The following SAMMSON variants were observed in gnomAD, a reference collection of about 807,000 sequenced individuals.
SAMMSON encodes the protein survival associated mitochondrial melanoma specific oncogenic non-coding RNA, also known as long intergenic non-protein coding RNA 1212.
intron 2 of SAMMSON, among the ~76,000 whole-genome samples, chr3:70,418,995 C>T (rs931346359): frequency 8.8e-6 from 1 of 113,020 alleles, no homozygotes; most frequent in South Asian, 3.0e-4. Context: ...CTCTCTCTCT[C>T]TCTCTCTTTC....
At chr3:70,099,772 C>G (rs2067335576) in intron 4 of SAMMSON, among the ~76,000 whole-genome samples, 1 of 152,128 alleles carries the variant, frequency 6.6e-6, no homozygotes, top group South Asian at 2.1e-4. Flanking sequence ...CACGTGGTCC[C>G]CTCTGCAGTT....
chr3:70,299,977 C>A (rs558246665), intron 7 of SAMMSON, among the ~76,000 whole-genome samples: 1 of 152,134 alleles, frequency 6.6e-6, no homozygotes, highest in African/African-American at 2.4e-5. Context: ...AAGAACATAC[C>A]CCAGACTTTT....
At chr3:70,399,019 G>A (rs926924367) in intron 2 of SAMMSON, among the ~76,000 whole-genome samples, 6 of 152,138 alleles carry the variant, frequency 3.9e-5, no homozygotes, top group African/African-American at 1.4e-4. Flanking sequence ...TTCTGTTTTA[G>A]AGCTAGAAGC....
chr3:70,338,014 T>C (rs1011068216), intron 7 of SAMMSON, among the ~76,000 whole-genome samples: 2 of 151,730 alleles, frequency 1.3e-5, no homozygotes, highest in Non-Finnish European at 2.9e-5. Context: ...GTAAAGATTA[T>C]AGTCATCTGT....
At chr3:70,297,672 A>G (rs1485847208) in intron 7 of SAMMSON, among the ~76,000 whole-genome samples, 3 of 152,076 alleles carry the variant, frequency 2.0e-5, no homozygotes, top group Non-Finnish European at 4.4e-5. Context: ...TAAAACGAGG[A>G]GTTAAAATAT....
intron 4 of SAMMSON, among the ~76,000 whole-genome samples, chr3:70,116,770 T>C (rs1212320832): frequency 6.6e-6 from 1 of 152,122 alleles, no homozygotes; most frequent in Non-Finnish European, 1.5e-5. Context: ...TAAAAGGACC[T>C]TATCAAGGAG....
chr3:70,309,457 T>A (rs887607398), intron 7 of SAMMSON, among the ~76,000 whole-genome samples: 2 of 152,086 alleles, frequency 1.3e-5, no homozygotes, highest in African/African-American at 4.8e-5. Flanking sequence ...AACAGAGAAG[T>A]AATGAAATCA....
chr3:70,259,739 T>C (rs542948128), intron 6 of SAMMSON, among the ~76,000 whole-genome samples: 1 of 152,260 alleles, frequency 6.6e-6, no homozygotes, highest in South Asian at 2.1e-4. Flanking sequence ...CAGAAATGTA[T>C]TGTTGTATTA....
chr3:70,023,025 C>T, intron 3 of SAMMSON, among the ~76,000 whole-genome samples: 1 of 152,170 alleles, frequency 6.6e-6, no homozygotes, highest in Non-Finnish European at 1.5e-5. Flanking sequence ...CAGTATTCCA[C>T]TGGACACTAA....
intron 2 of SAMMSON, among the ~76,000 whole-genome samples, chr3:70,422,103 G>A (rs1701317615): frequency 6.9e-6 from 1 of 145,768 alleles, no homozygotes; most frequent in African/African-American, 2.5e-5. Context: ...GAGGTATGAT[G>A]TTCAACTAAG....
intron 2 of SAMMSON, among the ~76,000 whole-genome samples, chr3:70,412,463 G>C (rs1701228255): frequency 6.6e-6 from 1 of 152,162 alleles, no homozygotes; most frequent in Non-Finnish European, 1.5e-5. Flanking sequence ...AAGTGATCAA[G>C]TCAAAAGAAC....
intron 6 of SAMMSON, among the ~76,000 whole-genome samples, chr3:70,254,414 G>A (rs1437543045): frequency 1.3e-5 from 2 of 152,086 alleles, no homozygotes; most frequent in Admixed American, 6.6e-5. Flanking sequence ...ACAGATGTGA[G>A]CATGAACTGA....
intron 7 of SAMMSON, among the ~76,000 whole-genome samples, chr3:70,305,206 G>A (rs938435387): frequency 3.9e-5 from 6 of 152,080 alleles, no homozygotes; most frequent in African/African-American, 1.4e-4. Context: ...ACTTACAAGG[G>A]CATATTTTCA....
chr3:70,226,723 G>C (rs907892631), intron 4 of SAMMSON, among the ~76,000 whole-genome samples: 2 of 137,712 alleles, frequency 1.5e-5, no homozygotes, highest in African/African-American at 2.8e-5. Flanking sequence ...GGGCAACAGA[G>C]AGAGACTCTG....
At position 70,403,495 on chromosome 3, in the gene SAMMSON, C is replaced by T. The variant is rs189209101; in HGVS notation, n.233+45171C>T. On this transcript the variant is annotated intron_variant and non_coding_transcript_variant, in intron 2 of 3. Coordinates refer to the SAMMSON transcript ENST00000641053. ...TTCTAGGACTTTGGGTTATCTTATA[C>T]TGTAGATCGCAGATTGGCAAACTAT... Among the ~76,000 whole-genome samples the T allele has an allele frequency of 2.7e-3, 410 of 152,290 alleles. 1 individual carries two copies. Among genetic ancestry groups the T allele is most frequent in the African/African-American group, 9.6e-3 (401 of 41,558 alleles).
chr3:70,192,230 T>C (rs1261990497), intron 4 of SAMMSON, among the ~76,000 whole-genome samples: 3 of 152,228 alleles, frequency 2.0e-5, no homozygotes, highest in Non-Finnish European at 2.9e-5. Context: ...TACTCCTTTA[T>C]AGCTGTGCAA....
chr3:70,126,712 G>GTTTTT lies in SAMMSON; in HGVS notation n.507+55148_507+55152dup, dbSNP rs2067460464. Reference sequence around the variant, plus strand: ...GAAGTTAGGTTTTGTTTTTGTTTTTGTTTTTGTTTTTTGTTTTTTTTGAGA... The same window carrying GTTTTT: ...GAAGTTAGGTTTTGTTTTTGTTTTTGTTTTTTTTTTGTTTTTTGTTTTTTTTGAGA... On this transcript the variant is annotated intron_variant and non_coding_transcript_variant, in intron 4 of 9. Transcript: ENST00000642114. 1.2e-5 allele frequency: 3 copies of GTTTTT among 249,886 alleles called. No individual in the cohort carries two copies. In the South Asian group the frequency reaches 1.6e-4, roughly 13 times the overall value. 15.5% of individuals were successfully genotyped at this position (249,886 alleles called of 1,614,324 possible). A position where few individuals can be genotyped will look rare whatever the true frequency, so the allele number is the denominator to read the frequency against.
chr3:70,180,549 G>A (rs1366866902), intron 4 of SAMMSON, among the ~76,000 whole-genome samples: 1 of 152,022 alleles, frequency 6.6e-6, no homozygotes, highest in Non-Finnish European at 1.5e-5. Context: ...CCTTTTACAA[G>A]CCTGGGTCTC....
rs576340010 is a variant in SAMMSON at position 70,158,944 on chromosome 3, A to G, written n.507+87379A>G. Among the ~76,000 whole-genome samples, 69 of 152,168 alleles carry G rather than the reference A, an allele frequency of 4.5e-4. 1 individual carries two copies. In the South Asian group the frequency reaches 0.014, roughly 30 times the overall value. On this transcript the variant is annotated intron_variant and non_coding_transcript_variant, in intron 4 of 9. Transcript: ENST00000642114. ...GGCAACTTGTAAAAATTTCCTCTAT[A>G]TATTTGTCCTTTCCAAACCTTTTGT...
Sources: allele counts gnomAD v4.1 joint callset (sites outside exome capture counted in the v4.1 genomes callset), GRCh38; gene constraint gnomAD v4.1.1; transcripts MANE v1.5; gene names NCBI Gene and HGNC (gene_info 2026-07-23, HGNC 2026-07-21).